The following F8 variants were observed in gnomAD, a reference collection of about 807,000 sequenced individuals.
The protein encoded by F8 is coagulation factor VIII, also known as antihemophilic factor.
In F8, 12 loss-of-function variants were observed where a neutral mutation model predicts 140.6. The observed-to-expected ratio is 0.09, with a 90% CI of 0.05 to 0.14. The LOEUF (loss-of-function observed/expected upper bound fraction) is 0.14, where lower values mean the gene tolerates loss of function less well. Ranked by LOEUF, F8 falls within the 10% of genes least tolerant of loss-of-function variation. The probability of loss-of-function intolerance (pLI) is 1.00; values close to 1 mark genes in which losing one functional copy is unlikely to be tolerated. For missense variants in F8, 1,354 were observed against 1,720.7 expected (o/e 0.79, Z 3.77); for synonymous variants, 585 against 614.6 (o/e 0.95, Z 0.71).
At position 154,837,721 on chromosome X, in the gene F8, G is replaced by T. The variant is rs1047644991; in HGVS notation, c.6932C>A (p.Pro2311His). 3.3e-6 allele frequency: 4 copies of T among 1,209,903 alleles called. No homozygotes were observed. Among genetic ancestry groups the T allele is most frequent in the Non-Finnish European group, 4.5e-6 (4 of 894,872 alleles). ...CGGTGGGTCTAGAGAGTTCACCACAGGTGTGAAGGAGTCTTGATTTCCCTG... is the reference window on the plus strand; with the variant it reads ...CGGTGGGTCTAGAGAGTTCACCACATGTGTGAAGGAGTCTTGATTTCCCTG... ...VFQGNQDSFT[P>H]VVNSLDPPLL... Residue 2311 changes from proline to histidine, a missense_variant, in exon 26 of 26, where the codon CCT (proline) becomes CAT (histidine). This residue lies in a region of F8 where 316 missense variants were observed against 485.4 expected (regional missense o/e 0.65). Transcript: ENST00000360256.
chrX:154,948,615 T>C (rs1360582128), intron 12 of F8, among the ~76,000 whole-genome samples: 8 of 112,168 alleles, frequency 7.1e-5, no homozygotes, highest in African/African-American at 2.3e-4. Context: ...TCTTGTAACT[T>C]TTCTGTACAT....
chrX:154,984,605 C>T (rs1198090393), intron 6 of F8, 82 bp downstream of exon 6: 12 of 707,517 alleles, frequency 1.7e-5, no homozygotes, highest in Admixed American at 8.8e-5. Context: ...TCTGAGATGC[C>T]GAGCTGTTTG....
At position 154,869,401 on chromosome X, in the gene F8, C is replaced by A. The variant is rs373280038; in HGVS notation, c.6430-6174G>T. On this transcript the variant is annotated intron_variant, in intron 22 of 25. Transcript: ENST00000360256. ...TCAGGATTAAGAAACACACTCAAAA[C>A]CACAAAAATACATGGAAACTGAACA... Among the ~76,000 whole-genome samples, 153 of 111,824 alleles carry A rather than the reference C, an allele frequency of 1.4e-3. No homozygotes were observed. In the Middle Eastern group the frequency reaches 0.023, roughly 17 times the overall value.
intron 1 of F8, among the ~76,000 whole-genome samples, chrX:155,009,960 A>G (rs1328717828): frequency 2.7e-5 from 3 of 111,269 alleles, no homozygotes; most frequent in Non-Finnish European, 5.7e-5. Flanking sequence ...GCCCTAGGTC[A>G]AGTATATGTG....
At position 154,966,032 on chromosome X, in the gene F8, T is replaced by G. The variant is rs1402206669; in HGVS notation, c.1381A>C (p.Ile461Leu). The G allele has an allele frequency of 8.3e-7, 1 of 1,211,206 alleles. No homozygotes were observed. ...TDETFKTREA[I>L]QHESGILGPL... is the part of the protein sequence containing the mutation. ...CCCAAGATTCCTGATTCATGCTGAATAGCTTCACGAGTCTTAAAGGTTTCA... is the reference window on the plus strand; with the variant it reads ...CCCAAGATTCCTGATTCATGCTGAAGAGCTTCACGAGTCTTAAAGGTTTCA... The change falls in exon 9 of 26, where the codon ATT (isoleucine) becomes CTT (leucine). Residue 461 changes from isoleucine to leucine, a missense_variant. By Grantham distance (5) the Ile-to-Leu change is conservative. Around this residue, in one of 4 missense-constraint regions of F8, gnomAD observed 252 missense variants for 338.5 expected, o/e 0.74. Coordinates refer to ENST00000360256, the MANE Select transcript of F8 (RefSeq NM_000132.4).
chrX:154,997,628 C>T (rs1178294624), intron 2 of F8, among the ~76,000 whole-genome samples: 2 of 111,336 alleles, frequency 1.8e-5, no homozygotes, highest in African/African-American at 3.3e-5. Context: ...CAAATGCAAA[C>T]GTCCAGAGGC....
intron 14 of F8, among the ~76,000 whole-genome samples, chrX:154,913,913 C>G (rs1449277692): frequency 1.8e-5 from 2 of 112,735 alleles, no homozygotes; most frequent in African/African-American, 6.4e-5. Context: ...TCTCACAGCT[C>G]CACTAGGCAG....
At chrX:154,977,776 C>T (rs1300072881) in intron 6 of F8, among the ~76,000 whole-genome samples, 1 of 109,925 alleles carries the variant, frequency 9.1e-6, no homozygotes, top group African/African-American at 3.3e-5. Flanking sequence ...ATTTTTGAGC[C>T]TTCTTTATCT....
intron 4 of F8, among the ~76,000 whole-genome samples, chrX:154,988,607 G>A (rs2073571635): frequency 8.9e-6 from 1 of 112,175 alleles, no homozygotes; most frequent in African/African-American, 3.2e-5. Flanking sequence ...CAAAGGATGT[G>A]TTCACTATTC....
At position 154,835,979 on chromosome X, in the gene F8, AC is replaced by A. The variant is rs2072472045; in HGVS notation, c.*1617del. The A allele has an allele frequency of 8.9e-6, 1 of 112,127 alleles. No homozygotes were observed. The highest frequency in any genetic ancestry group is 9.4e-5 in the Admixed American group (1 of 10,591). The allele number at this position is 112,127 out of a possible 1,213,427, so 9.2% of individuals were successfully genotyped here. A position where few individuals can be genotyped will look rare whatever the true frequency, so the allele number is the denominator to read the frequency against. Reference sequence around the variant, plus strand: ...TATCACCTTTGGGGTTAACTCCTCTACCGGGCTATAAAACAAAACAACTTAT... The same window carrying A: ...TATCACCTTTGGGGTTAACTCCTCTACGGGCTATAAAACAAAACAACTTAT... On this transcript the variant is annotated 3_prime_UTR_variant, in exon 26 of 26. Transcript: ENST00000360256.
intron 14 of F8, among the ~76,000 whole-genome samples, chrX:154,914,190 G>A (rs1222962622): frequency 9.8e-5 from 11 of 112,786 alleles, no homozygotes; most frequent in Non-Finnish European, 1.3e-4. Flanking sequence ...GAGTGGCTGG[G>A]ACACAGGGCA....
intron 19 of F8, 37 bp from the exon 20 acceptor site, chrX:154,901,479 G>C (rs1487672394): frequency 1.1e-6 from 1 of 926,827 alleles, no homozygotes; most frequent in Non-Finnish European, 1.6e-6. Context: ...AACTAGAAGT[G>C]CACAAAATTC....
intron 1 of F8, among the ~76,000 whole-genome samples, chrX:155,005,657 A>C (rs2073672945): frequency 8.9e-6 from 1 of 112,244 alleles, no homozygotes; most frequent in South Asian, 3.7e-4. Context: ...GGTGGACCAC[A>C]GTGGAGGCTG....
At chrX:154,859,375 T>C (rs900488969) in intron 25 of F8, among the ~76,000 whole-genome samples, 1 of 106,537 alleles carries the variant, frequency 9.4e-6, no homozygotes, top group African/African-American at 3.4e-5. Context: ...CGATCTCGGC[T>C]CACTGCAAGC....
At chrX:154,942,245 A>G (rs1313588499) in intron 13 of F8, among the ~76,000 whole-genome samples, 6 of 110,521 alleles carry the variant, frequency 5.4e-5, no homozygotes, top group Non-Finnish European at 9.5e-5. Flanking sequence ...TTTTGAAAGG[A>G]TCAACAGAAT....
rs2073636345 is a variant in F8, at chrX:154,999,609, A to G, written c.144-9T>C. 8.3e-7 allele frequency: 1 copy of G among 1,200,077 alleles called. No homozygotes were observed. Among genetic ancestry groups the G allele is most frequent in the African/African-American group, 1.8e-5 (1 of 56,950 alleles). On this transcript the variant is annotated splice_polypyrimidine_tract_variant and intron_variant, in intron 1 of 25. Transcript: ENST00000360256. ...GCACTCTAGGAGGAAATCTGCGTGA[A>G]GAAAGGAAAAAGTCGTTCATTTTGG...
intron 14 of F8, among the ~76,000 whole-genome samples, chrX:154,922,958 G>A (rs1032664055): frequency 2.7e-5 from 3 of 111,535 alleles, no homozygotes; most frequent in Admixed American, 9.5e-5. Flanking sequence ...TAGATGCAAT[G>A]TTGGGAAAAG....
intron 23 of F8, 64 bp downstream of exon 23, chrX:154,863,019 T>C: frequency 8.8e-7 from 1 of 1,142,555 alleles, no homozygotes; most frequent in Non-Finnish European, 1.2e-6. Flanking sequence ...TCAGGATAAC[T>C]AGAACAGTTA....
At chrX:155,000,653 C>T (rs1294959015) in intron 1 of F8, among the ~76,000 whole-genome samples, 9 of 111,748 alleles carry the variant, frequency 8.1e-5, no homozygotes, top group African/African-American at 2.3e-4. Context: ...AGATATACAT[C>T]GATTCACTTA....
Sources: gnomAD v4.1 joint callset for allele counts (sites outside exome capture counted in the v4.1 genomes callset) on GRCh38, gnomAD v4.1.1 for gene constraint, gnomAD v4.1.1 regional missense constraint, MANE v1.5 for transcripts, NCBI Gene and HGNC (gene_info 2026-07-23, HGNC 2026-07-21) for gene names.